Variants in CKAP5 observed in about 807,000 individuals in gnomAD.
CKAP5 encodes cytoskeleton-associated protein 5.
In CKAP5, 27 loss-of-function variants were observed where a neutral mutation model predicts 232.8. The observed-to-expected ratio is 0.12, with a 90% CI of 0.09 to 0.16. The LOEUF (loss-of-function observed/expected upper bound fraction) is 0.16. Among genes scored for constraint, CKAP5 ranks in the 10% least tolerant of loss-of-function variants. CKAP5 has a pLI of 1.00. For synonymous variants in CKAP5, 785 were observed against 841.1 expected (o/e 0.93, Z 1.16); for missense variants, 1,838 against 2,424.7 (o/e 0.76, Z 5.08).
In CKAP5 at chr11:46,780,218, G is replaced by A; in HGVS notation, c.2409C>T (p.Ser803=). ...FFEDEKPALL[S]QIDAEFEKMQ... ...CCTTCTCAAATTCTGCATCTATCTG[G>A]GATAGGAGGGCAGGCTTCTCATCCT... is the stretch of plus-strand genomic sequence containing the variant. Residue 803 remains serine (S), a synonymous_variant, in exon 20 of 44, where the codon TCC becomes TCT. Coordinates refer to ENST00000529230, the MANE Select transcript of CKAP5 (RefSeq NM_001008938.4). 1.2e-6 allele frequency: 2 copies of A among 1,613,964 alleles called. No individual in the cohort carries two copies. Among genetic ancestry groups the A allele is most frequent in the Non-Finnish European group, 1.7e-6 (2 of 1,179,920 alleles).
In CKAP5 at chr11:46,767,797, T is replaced by TA. The variant is rs2134601096; in HGVS notation, c.3323-135_3323-134insT. 9.5e-6 allele frequency: 4 copies of TA among 421,936 alleles called. No individual in the cohort carries two copies. In the Admixed American group the frequency reaches 1.6e-4, roughly 17 times the overall value. 26.1% of individuals were successfully genotyped at this position (421,936 alleles called of 1,614,324 possible). A position where few individuals can be genotyped will look rare whatever the true frequency, so the allele number is the denominator to read the frequency against. The stretch of plus-strand genomic sequence containing the variant: ...CAATTTATAAGATGTTTTCAGTTAG[T>TA]TTTTTTTTTATGAGACAGGATTTTG... On this transcript the variant is annotated intron_variant, in intron 26 of 43. Coordinates refer to ENST00000529230, the MANE Select transcript of CKAP5 (RefSeq NM_001008938.4).
chr11:46,784,293 G>A (rs981447568), intron 17 of CKAP5, among the ~76,000 whole-genome samples, 195 bp downstream of exon 17: 12 of 152,146 alleles, frequency 7.9e-5, no homozygotes, highest in South Asian at 2.1e-4. Flanking sequence ...ACTTGAACCC[G>A]GGAGGGTTGC....
At chr11:46,810,119 G>A (rs1330304061) in intron 5 of CKAP5, among the ~76,000 whole-genome samples, 1 of 151,902 alleles carries the variant, frequency 6.6e-6, no homozygotes, top group African/African-American at 2.4e-5. Flanking sequence ...TTACAGGTGT[G>A]CACTACCACA....
intron 20 of CKAP5, 68 bp from the exon 21 acceptor site, chr11:46,778,667 G>A (rs1387407782): frequency 2.2e-6 from 3 of 1,336,140 alleles, no homozygotes; most frequent in Non-Finnish European, 3.2e-6. Flanking sequence ...AAATTAGAGA[G>A]GGTGCCTGTG....
In CKAP5 at chr11:46,790,676, A is replaced by T. The variant is rs184029317; in HGVS notation, c.1651-93T>A. ...TATTTTTTTTGAGACAGTGTCTCAT[A>T]TTGTTGTCGAGCCTGGAATGCAGCT... On this transcript the variant is annotated intron_variant, in intron 13 of 43. Transcript: ENST00000529230. 634 of 871,770 alleles carry T rather than the reference A, an allele frequency of 7.3e-4. 6 individuals are homozygous for T. In the African/African-American group the frequency reaches 9.3e-3, roughly 13 times the overall value. The allele number at this position is 871,770 out of a possible 1,614,324, so 54.0% of individuals were successfully genotyped here. A position where few individuals can be genotyped will look rare whatever the true frequency, so the allele number is the denominator to read the frequency against.
At chr11:46,844,583 T>C (rs920609287) in intron 1 of CKAP5, among the ~76,000 whole-genome samples, 1 of 152,344 alleles carries the variant, frequency 6.6e-6, no homozygotes, top group East Asian at 1.9e-4. Flanking sequence ...GTAAAAGGCA[T>C]GTTAATTGTT....
Position 46,843,304 on chromosome 11 carries a change from C to T in CKAP5, c.-38+2916G>A, listed in dbSNP as rs192631799. On this transcript the variant is annotated intron_variant, in intron 1 of 43. Coordinates refer to ENST00000529230, the MANE Select transcript of CKAP5 (RefSeq NM_001008938.4). Reference sequence around the variant, plus strand: ...TGGCTCAACCACCTGCTGGGGACCCCAAGCCTTCTGTATATAAGTAGGTAA... The same window carrying T: ...TGGCTCAACCACCTGCTGGGGACCCTAAGCCTTCTGTATATAAGTAGGTAA... Among the ~76,000 whole-genome samples the T allele has an allele frequency of 2.8e-3, 421 of 152,202 alleles. 2 individuals are homozygous for T. The highest frequency in any genetic ancestry group is 9.6e-3 in the African/African-American group (399 of 41,512).
At chr11:46,794,083 C>G (rs4506602) in intron 13 of CKAP5, among the ~76,000 whole-genome samples, 1 of 151,906 alleles carries the variant, frequency 6.6e-6, no homozygotes, top group Non-Finnish European at 1.5e-5. Context: ...AGTTGGACAC[C>G]GTATATAAAA....
Position 46,816,318 on chromosome 11 carries a change from C to G in CKAP5, c.338G>C (p.Cys113Ser). The change falls in exon 4 of 44, where the codon TGT (cysteine) becomes TCT (serine). Residue 113 changes from cysteine to serine, a missense_variant. This residue lies in a region of CKAP5 where 285 missense variants were observed against 300.0 expected (regional missense o/e 0.95). Coordinates refer to ENST00000529230, the MANE Select transcript of CKAP5 (RefSeq NM_001008938.4). ...TTTCTCAATCTCTATGTACATAAGA[C>G]AGATCTCTATGCCCAGCTCCTTGGC... is the stretch of plus-strand genomic sequence containing the variant. The part of the protein sequence containing the change: ...AKAKELGIEI[C>S]LMYIEIEKGE... 1 of 1,614,110 alleles carries G rather than the reference C, an allele frequency of 6.2e-7. No individual in the cohort carries two copies. Among genetic ancestry groups the G allele is most frequent in the South Asian group, 1.1e-5 (1 of 91,080 alleles).
At chr11:46,747,127 C>T (rs1210155134) in intron 42 of CKAP5, among the ~76,000 whole-genome samples, 2 of 151,704 alleles carry the variant, frequency 1.3e-5, no homozygotes, top group African/African-American at 4.8e-5. Flanking sequence ...AGAGTGAGAC[C>T]CTGTCTCAAA....
chr11:46,767,482 T>C (rs1402251162), intron 27 of CKAP5, 93 bp downstream of exon 27: 1 of 750,026 alleles, frequency 1.3e-6, no homozygotes, highest in Non-Finnish European at 2.2e-6. Context: ...TGATGTTCTT[T>C]TATATATAAT....
intron 1 of CKAP5, among the ~76,000 whole-genome samples, chr11:46,827,970 C>T (rs1217402273): frequency 3.3e-5 from 5 of 152,144 alleles, no homozygotes. Flanking sequence ...AAGATATGTG[C>T]TTTTTTTAAG....
intron 38 of CKAP5, among the ~76,000 whole-genome samples, chr11:46,752,364 T>G (rs1334613784): frequency 6.6e-6 from 1 of 150,844 alleles, no homozygotes; most frequent in Non-Finnish European, 1.5e-5. Flanking sequence ...TTGCCAAGGC[T>G]GGAGTGTAGT....
At chr11:46,822,667 C>T (rs768345448) in intron 1 of CKAP5, among the ~76,000 whole-genome samples, 1 of 142,236 alleles carries the variant, frequency 7.0e-6, no homozygotes, top group Non-Finnish European at 1.5e-5. Context: ...AGGAGAATGG[C>T]GTGAACCCGA....
chr11:46,845,680 T>TA (rs1341834341), intron 1 of CKAP5, among the ~76,000 whole-genome samples: 1 of 152,100 alleles, frequency 6.6e-6, no homozygotes, highest in Non-Finnish European at 1.5e-5. Context: ...AGCCAGTCGT[T>TA]AAGGGCGGGG....
chr11:46,822,741 CAAAAAAAA>C (rs57170422), intron 1 of CKAP5, among the ~76,000 whole-genome samples: 125 of 77,852 alleles, frequency 1.6e-3, no homozygotes, highest in African/African-American at 1.2e-3. Context: ...GACTCCGTCC[CAAAAAAAA>C]AAAAAAAAAA....
chr11:46,821,116 T>C (rs1939513276), intron 2 of CKAP5, 59 bp downstream of exon 2: 13 of 1,207,192 alleles, frequency 1.1e-5, no homozygotes, highest in Non-Finnish European at 1.5e-5. Flanking sequence ...AAGATGATAG[T>C]ATAACTGCTC....
At chr11:46,843,168 T>G (rs1445664209) in intron 1 of CKAP5, among the ~76,000 whole-genome samples, 4 of 151,848 alleles carry the variant, frequency 2.6e-5, no homozygotes, top group Non-Finnish European at 5.9e-5. Context: ...TACCCCAGTT[T>G]GGAGAAATTG....
intron 20 of CKAP5, 116 bp from the exon 21 acceptor site, chr11:46,778,715 T>C (rs2065313158): frequency 3.8e-6 from 3 of 799,678 alleles, no homozygotes; most frequent in Admixed American, 2.4e-5. Flanking sequence ...ATTTACACAG[T>C]AGGTAATTTG....
Sources: gnomAD v4.1 joint callset for allele counts (sites outside exome capture counted in the v4.1 genomes callset) on GRCh38, gnomAD v4.1.1 for gene constraint, gnomAD v4.1.1 regional missense constraint, MANE v1.5 for transcripts, NCBI Gene and HGNC (gene_info 2026-07-23, HGNC 2026-07-21) for gene names.